UNC50: variants seen among roughly 807,000 people sequenced by gnomAD.
UNC50 encodes the protein protein unc-50 homolog.
UNC50 carries 24 observed loss-of-function variants against 31.5 expected under a neutral mutation model. The observed-to-expected ratio is 0.76, with a 90% CI of 0.55 to 1.07. The LOEUF (loss-of-function observed/expected upper bound fraction) is 1.07, where lower values mean the gene tolerates loss of function less well. UNC50 is among the 50% of genes least tolerant of loss of function. UNC50 has a pLI of 0.00. For missense variants in UNC50, 245 were observed against 304.2 expected (o/e 0.81, Z 1.45); for synonymous variants, 118 against 114.7 (o/e 1.03, Z -0.18).
chr2:98,610,780 A>T lies in UNC50; in HGVS notation c.286A>T (p.Thr96Ser). The T allele has an allele frequency of 6.2e-7, 1 of 1,613,964 alleles. No individual in the cohort carries two copies. Among genetic ancestry groups the T allele is most frequent in the Non-Finnish European group, 8.5e-7 (1 of 1,179,942 alleles). The change falls in exon 3 of 6, where the codon ACT (threonine) becomes TCT (serine). Residue 96 changes from threonine to serine, a missense_variant. Thr to Ser is a moderately conservative substitution (Grantham distance 58, BLOSUM62 1). Coordinates refer to ENST00000357765, the MANE Select transcript of UNC50 (RefSeq NM_014044.7). ...CTTGTGAATCTTTCTTTCAGTGTCC[A>T]CTATAGGATTTGGCTTTGTGCTGGA... ...VLLSIWLCVS[T>S]IGFGFVLDMG...
chr2:98,618,357 C>A lies in UNC50; in HGVS notation c.*53C>A. 1 of 1,499,370 alleles carries A rather than the reference C, an allele frequency of 6.7e-7. No individual in the cohort carries two copies. Among genetic ancestry groups the A allele is most frequent in the Non-Finnish European group, 8.9e-7 (1 of 1,123,666 alleles). The allele number at this position is 1,499,370 out of a possible 1,614,324, so 92.9% of individuals were successfully genotyped here. On this transcript the variant is annotated 3_prime_UTR_variant, in exon 6 of 6. Transcript: ENST00000357765. ...TGTGTCAACAGTATTGTGAAGTGATCATTTCTTGTAAAACTTGTAAATAAA... is the reference window on the plus strand; with the variant it reads ...TGTGTCAACAGTATTGTGAAGTGATAATTTCTTGTAAAACTTGTAAATAAA...
At chr2:98,613,972 G>A (rs1052313839) in intron 3 of UNC50, among the ~76,000 whole-genome samples, 1 of 152,228 alleles carries the variant, frequency 6.6e-6, no homozygotes, top group Admixed American at 6.5e-5. Flanking sequence ...CAGCACACTA[G>A]GTCTGGGAGC....
At chr2:98,610,639 T>C (rs1700810835) in intron 2 of UNC50, 136 bp from the exon 3 acceptor site, 1 of 1,096,678 alleles carries the variant, frequency 9.1e-7, no homozygotes. Context: ...CCCAAGGTAG[T>C]GTTCACACAT....
In UNC50 at chr2:98,609,639, C is replaced by G. The variant is rs1700786974; in HGVS notation, c.-4-117C>G. The G allele has an allele frequency of 2.6e-6, 4 of 1,516,308 alleles. No homozygotes were observed. In the South Asian group the frequency reaches 5.0e-5, roughly 19 times the overall value. The allele number at this position is 1,516,308 out of a possible 1,614,324, so 93.9% of individuals were successfully genotyped here. A position where few individuals can be genotyped will look rare whatever the true frequency, so the allele number is the denominator to read the frequency against. Reference sequence around the variant, plus strand: ...TTTGCTTTTGACTCCTGGCCTTTCTCTAGGGTTGGGAAGAACATGGAAAGT... The same window carrying G: ...TTTGCTTTTGACTCCTGGCCTTTCTGTAGGGTTGGGAAGAACATGGAAAGT... On this transcript the variant is annotated intron_variant, in intron 1 of 5. Coordinates refer to ENST00000357765, the MANE Select transcript of UNC50 (RefSeq NM_014044.7).
At chr2:98,618,050 C>G (rs977373811) in intron 5 of UNC50, 118 bp from the exon 6 acceptor site, 66 of 1,098,348 alleles carry the variant, frequency 6.0e-5, no homozygotes, top group Non-Finnish European at 4.1e-5. Context: ...CTTACTGATT[C>G]AAAATATGCA....
chr2:98,617,450 G>A (rs1700945978), intron 5 of UNC50, among the ~76,000 whole-genome samples: 1 of 152,178 alleles, frequency 6.6e-6, no homozygotes, highest in Non-Finnish European at 1.5e-5. Flanking sequence ...AAAGTGTTTT[G>A]TGATGAGAAC....
Position 98,608,699 on chromosome 2 carries a change from G to T in UNC50, c.-32G>T. On this transcript the variant is annotated 5_prime_UTR_variant, in exon 1 of 6. Coordinates refer to ENST00000357765, the MANE Select transcript of UNC50 (RefSeq NM_014044.7). The stretch of plus-strand genomic sequence containing the variant: ...GAGGAGGTGGTGGGCTGGTTCGGAC[G>T]TGGGTCGAGGCTGTAGCAGGACTCC... The T allele has an allele frequency of 2.1e-6, 1 of 481,722 alleles. No homozygotes were observed. The highest frequency in any genetic ancestry group is 2.0e-5 in the South Asian group (1 of 48,914). The allele number at this position is 481,722 out of a possible 1,614,324, so 29.8% of individuals were successfully genotyped here.
At chr2:98,611,798 C>T (rs900960791) in intron 3 of UNC50, among the ~76,000 whole-genome samples, 1 of 152,170 alleles carries the variant, frequency 6.6e-6, no homozygotes, top group Admixed American at 6.5e-5. Context: ...TCTTGATATT[C>T]ATTGTGTTTA....
At chr2:98,615,219 AT>A (rs1178479209) in intron 3 of UNC50, among the ~76,000 whole-genome samples, 1 of 152,060 alleles carries the variant, frequency 6.6e-6, no homozygotes, top group Non-Finnish European at 1.5e-5. Context: ...ATCCACATTC[AT>A]TTTTTTGGTG....
At chr2:98,613,215 G>C (rs780337838) in intron 3 of UNC50, among the ~76,000 whole-genome samples, 2 of 152,102 alleles carry the variant, frequency 1.3e-5, no homozygotes, top group African/African-American at 4.8e-5. Context: ...TGTAAGTCAC[G>C]TATTCATTAC....
chr2:98,614,326 G>T (rs1167302097), intron 3 of UNC50, among the ~76,000 whole-genome samples: 1 of 152,168 alleles, frequency 6.6e-6, no homozygotes, highest in Non-Finnish European at 1.5e-5. Flanking sequence ...TATGAGGGGG[G>T]ATCAGGAAGA....
intron 1 of UNC50, 77 bp from the exon 2 acceptor site, chr2:98,609,679 A>G (rs1383868847): frequency 1.9e-6 from 3 of 1,597,518 alleles, no homozygotes; most frequent in East Asian, 2.2e-5. Context: ...TCCCTGCCAA[A>G]TAACTCAGAA....
chr2:98,610,982 T>G, intron 3 of UNC50, 87 bp downstream of exon 3: 1 of 1,452,412 alleles, frequency 6.9e-7, no homozygotes, highest in Non-Finnish European at 9.2e-7. Flanking sequence ...AGATGGAAAT[T>G]GAAACCCAGG....
chr2:98,613,171 A>G (rs1431123032), intron 3 of UNC50, among the ~76,000 whole-genome samples: 1 of 152,264 alleles, frequency 6.6e-6, no homozygotes, highest in East Asian at 1.9e-4. Flanking sequence ...CTGTTAATAT[A>G]AAATTCTAAA....
chr2:98,609,839 C>A lies in UNC50; in HGVS notation c.80C>A (p.Ala27Asp). ...TCCAGGGATGCGGCAAGACACACAG[C>A]CGGAGCGAAACGCTACAAATATCTG... The part of the protein sequence containing the change: ...LNSRDAARHT[A>D]GAKRYKYLRR... The change falls in exon 2 of 6, where the codon GCC (alanine) becomes GAC (aspartate). Residue 27 changes from alanine (A) to aspartate (D), a missense_variant. By Grantham distance (126) the Ala-to-Asp change is moderately radical. Coordinates refer to ENST00000357765, the MANE Select transcript of UNC50 (RefSeq NM_014044.7). 1 of 1,614,218 alleles carries A rather than the reference C, an allele frequency of 6.2e-7. No homozygotes were observed. Among genetic ancestry groups the A allele is most frequent in the Non-Finnish European group, 8.5e-7 (1 of 1,180,036 alleles).
intron 1 of UNC50, chr2:98,609,376 C>T (rs1437366265): frequency 6.6e-6 from 2 of 305,062 alleles, no homozygotes; most frequent in East Asian, 1.5e-4. Context: ...AAACTGCTTT[C>T]TTAGGCATTT....
chr2:98,609,690 G>C, intron 1 of UNC50, 66 bp from the exon 2 acceptor site: 1 of 1,604,946 alleles, frequency 6.2e-7, no homozygotes, highest in South Asian at 1.1e-5. Context: ...TAACTCAGAA[G>C]AGGAGTGTCG....
rs374579886 is a variant in UNC50 at position 98,618,323 on chromosome 2, A to G, written c.*19A>G. 3 of 1,588,756 alleles carry G rather than the reference A, an allele frequency of 1.9e-6. No homozygotes were observed. Among genetic ancestry groups the G allele is most frequent in the Admixed American group, 1.9e-5 (1 of 52,138 alleles). ...GAAATAAAAAGTGAGAAGAAGATTC[A>G]ATCGTAACTGTGTCAACAGTATTGT... On this transcript the variant is annotated 3_prime_UTR_variant, in exon 6 of 6. Transcript: ENST00000357765.
chr2:98,608,837 G>C, intron 1 of UNC50, 111 bp downstream of exon 1: 1 of 258,686 alleles, frequency 3.9e-6, no homozygotes, highest in Non-Finnish European at 7.6e-6. Context: ...TGACCATGTC[G>C]GCGTCCGGCC....
Sources: allele counts gnomAD v4.1 joint callset (sites outside exome capture counted in the v4.1 genomes callset), GRCh38; gene constraint gnomAD v4.1.1; transcripts MANE v1.5; gene names NCBI Gene and HGNC (gene_info 2026-07-23, HGNC 2026-07-21).